RAD9A: variants seen among roughly 807,000 people sequenced by gnomAD.
The protein encoded by RAD9A is cell cycle checkpoint control protein RAD9A.
RAD9A carries 25 observed loss-of-function variants against 41.2 expected under a neutral mutation model. The observed-to-expected ratio is 0.61, with a 90% CI of 0.44 to 0.85. The LOEUF is 0.85. Ranked by LOEUF, RAD9A falls within the 40% of genes least tolerant of loss-of-function variation. The pLI is 0.00. For synonymous variants in RAD9A, 252 were observed against 210.6 expected (o/e 1.20, Z -1.70); for missense variants, 514 against 518.3 (o/e 0.99, Z 0.08).
chr11:67,393,919 C>T, intron 5 of RAD9A, 129 bp downstream of exon 5: 1 of 798,176 alleles, frequency 1.3e-6, no homozygotes, highest in South Asian at 1.9e-5. Context: ...CAAAGACATC[C>T]CATGGCCCGC....
intron 2 of RAD9A, 26 bp from the exon 3 acceptor site, chr11:67,392,628 C>G: frequency 6.2e-7 from 1 of 1,612,528 alleles, no homozygotes; most frequent in Non-Finnish European, 8.5e-7. Context: ...CTGACCACGT[C>G]CCTCTCCCTG....
Position 67,395,841 on chromosome 11 carries a change from GTGGCC to G in RAD9A, c.559+20_559+24del. The G allele has an allele frequency of 1.9e-6, 3 of 1,613,244 alleles. No individual in the cohort carries two copies. Among genetic ancestry groups the G allele is most frequent in the Non-Finnish European group, 2.5e-6 (3 of 1,179,610 alleles). ...GAGGAGGCAGGTGAGGGGGCTGGAC[GTGGCC>G]TGGGACAGCAGAGTGGCAGGTGGGA... On this transcript the variant is annotated intron_variant, in intron 6 of 10. Transcript: ENST00000307980.
At position 67,397,330 on chromosome 11, in the gene RAD9A, G is replaced by A. The variant is rs369535346; in HGVS notation, c.1024G>A (p.Glu342Lys). Reference sequence around the variant, plus strand: ...CCCCAAGAGCCCCGGTCCCCACTCCGAGGAGGAAGATGAGGCTGAGCCCAG... The same window carrying A: ...CCCCAAGAGCCCCGGTCCCCACTCCAAGGAGGAAGATGAGGCTGAGCCCAG... ...QPPKSPGPHS[E>K]EEDEAEPSTV... Residue 342 changes from glutamate (E) to lysine (K), a missense_variant, in exon 10 of 11, where the codon GAG (glutamate) becomes AAG (lysine). By Grantham distance (56) the Glu-to-Lys change is moderately conservative. Transcript: ENST00000307980. 10 of 1,512,304 alleles carry A rather than the reference G, an allele frequency of 6.6e-6. No homozygotes were observed. The highest frequency in any genetic ancestry group is 5.0e-5 in the African/African-American group (3 of 60,546). The allele number at this position is 1,512,304 out of a possible 1,614,324, so 93.7% of individuals were successfully genotyped here.
intron 5 of RAD9A, among the ~76,000 whole-genome samples, chr11:67,394,753 T>C (rs947548413): frequency 1.3e-5 from 2 of 151,988 alleles, no homozygotes; most frequent in Non-Finnish European, 2.9e-5. Context: ...TAGCTGGGAT[T>C]ACAGGCATGC....
At chr11:67,396,938 G>GC (rs1862721044) in intron 9 of RAD9A, among the ~76,000 whole-genome samples, 1 of 152,158 alleles carries the variant, frequency 6.6e-6, no homozygotes, top group Non-Finnish European at 1.5e-5. Flanking sequence ...AGCTAAGGTA[G>GC]CCCCCGGGAT....
chr11:67,395,624 C>T (rs1590930569), intron 5 of RAD9A, 92 bp from the exon 6 acceptor site: 12 of 937,826 alleles, frequency 1.3e-5, no homozygotes, highest in Admixed American at 2.3e-5. Context: ...CACATCCGTG[C>T]GTGTGCATGT....
At chr11:67,392,846 G>A in intron 3 of RAD9A, 64 bp downstream of exon 3, 1 of 1,578,360 alleles carries the variant, frequency 6.3e-7, no homozygotes, top group Admixed American at 1.7e-5. Flanking sequence ...CTGTGCCTCT[G>A]CCCTGGGGTA....
rs1213325253 is a variant in RAD9A at position 67,397,338 on chromosome 11, A to T, written c.1032A>T (p.Glu344Asp). The T allele has an allele frequency of 6.3e-7, 1 of 1,599,612 alleles. No individual in the cohort carries two copies. The highest frequency in any genetic ancestry group is 8.5e-7 in the Non-Finnish European group (1 of 1,172,718). ...PKSPGPHSEE[E>D]DEAEPSTVPG... ...GCCCCGGTCCCCACTCCGAGGAGGAAGATGAGGCTGAGCCCAGTACAGTGC... is the reference window on the plus strand; with the variant it reads ...GCCCCGGTCCCCACTCCGAGGAGGATGATGAGGCTGAGCCCAGTACAGTGC... The change falls in exon 10 of 11, where the codon GAA becomes GAT. Residue 344 changes from glutamate (E) to aspartate (D), a missense_variant. Around this residue, in one of 3 missense-constraint regions of RAD9A, gnomAD observed 216 missense variants for 184.2 expected, o/e 1.17. Transcript: ENST00000307980.
chr11:67,394,126 CTT>C (rs1237583419), intron 5 of RAD9A, among the ~76,000 whole-genome samples: 5 of 152,254 alleles, frequency 3.3e-5, no homozygotes, highest in South Asian at 2.1e-4. Context: ...CACCAAATCT[CTT>C]GTCTGGCTTG....
intron 1 of RAD9A, 33 bp downstream of exon 1, chr11:67,392,111 A>AGCAGCCGCGGAGCC: frequency 6.2e-7 from 1 of 1,605,244 alleles, no homozygotes; most frequent in Non-Finnish European, 8.5e-7. Context: ...GCGGCGGTGC[A>AGCAGCCGCGGAGCC]GCAGCCGCGG....
At chr11:67,393,325 A>G in intron 3 of RAD9A, 171 bp from the exon 4 acceptor site, 5 of 1,362,652 alleles carry the variant, frequency 3.7e-6, no homozygotes, top group Non-Finnish European at 3.8e-6. Context: ...AGGCATTCCA[A>G]GCATAAGGAA....
In RAD9A at chr11:67,396,401, G is replaced by A. The variant is rs760988823; in HGVS notation, c.872+1G>A. On this transcript the variant is annotated splice_donor_variant, in intron 9 of 10. Coordinates refer to ENST00000307980, the MANE Select transcript of RAD9A (RefSeq NM_004584.3). LOFTEE classifies it high-confidence loss of function. The stretch of plus-strand genomic sequence containing the variant: ...CAGTGCCTCAGCTCCAGGCTCACAG[G>A]TGAGGGCACCTCCCCCCAACTCCTC... 2 of 1,613,578 alleles carry A rather than the reference G, an allele frequency of 1.2e-6. No homozygotes were observed. Among genetic ancestry groups the A allele is most frequent in the Non-Finnish European group, 8.5e-7 (1 of 1,179,926 alleles).
Position 67,392,605 on chromosome 11 carries a change from C to T in RAD9A, c.106-49C>T, listed in dbSNP as rs754514297. 6 of 1,608,316 alleles carry T rather than the reference C, an allele frequency of 3.7e-6. No individual in the cohort carries two copies. The African/African-American group carries it at 5.3e-5, about 14-fold the overall frequency. On this transcript the variant is annotated intron_variant, in intron 2 of 10. Coordinates refer to ENST00000307980, the MANE Select transcript of RAD9A (RefSeq NM_004584.3). ...AGCAGAAGCAGCCAGAGGGCTGGGTCTGTGGCTGCCCCCTGACCACGTCCC... is the reference window on the plus strand; with the variant it reads ...AGCAGAAGCAGCCAGAGGGCTGGGTTTGTGGCTGCCCCCTGACCACGTCCC...
intron 7 of RAD9A, 42 bp downstream of exon 7, chr11:67,396,063 C>G: frequency 1.2e-6 from 2 of 1,613,178 alleles, no homozygotes; most frequent in Non-Finnish European, 1.7e-6. Flanking sequence ...TCCTCCCTGC[C>G]CAGCTCAGCC....
rs755514621 is a variant in RAD9A, at chr11:67,396,409, A to G, written c.872+9A>G. ...CAGCTCCAGGCTCACAGGTGAGGGC[A>G]CCTCCCCCCAACTCCTCCTCTCTCC... is the stretch of plus-strand genomic sequence containing the variant. On this transcript the variant is annotated intron_variant, in intron 9 of 10. Coordinates refer to ENST00000307980, the MANE Select transcript of RAD9A (RefSeq NM_004584.3). 13 of 1,612,176 alleles carry G rather than the reference A, an allele frequency of 8.1e-6. No homozygotes were observed. The highest frequency in any genetic ancestry group is 5.5e-5 in the South Asian group (5 of 91,014).
rs770461944 is a variant in RAD9A at position 67,397,444 on chromosome 11, C to G, written c.1081-20C>G. 2 of 1,600,448 alleles carry G rather than the reference C, an allele frequency of 1.2e-6. No individual in the cohort carries two copies. The highest frequency in any genetic ancestry group is 1.3e-5 in the African/African-American group (1 of 74,518). On this transcript the variant is annotated intron_variant, in intron 10 of 10. Transcript: ENST00000307980. ...GTAGGGAAGGGAGCAGCCTCCAGAA[C>G]TCACTTGTTCTCTTTCCAGTTCCGC... is the stretch of plus-strand genomic sequence containing the variant.
chr11:67,397,445 T>A lies in RAD9A; in HGVS notation c.1081-19T>A. ...TAGGGAAGGGAGCAGCCTCCAGAACTCACTTGTTCTCTTTCCAGTTCCGCT... is the reference window on the plus strand; with the variant it reads ...TAGGGAAGGGAGCAGCCTCCAGAACACACTTGTTCTCTTTCCAGTTCCGCT... On this transcript the variant is annotated intron_variant, in intron 10 of 10. Transcript: ENST00000307980. 6.2e-7 allele frequency: 1 copy of A among 1,600,696 alleles called. No homozygotes were observed. Among genetic ancestry groups the A allele is most frequent in the East Asian group, 2.2e-5 (1 of 44,808 alleles).
chr11:67,397,338 A>G lies in RAD9A; in HGVS notation c.1032A>G (p.Glu344=). 4 of 1,599,612 alleles carry G rather than the reference A, an allele frequency of 2.5e-6. No homozygotes were observed. The East Asian group carries it at 9.0e-5, about 36-fold the overall frequency. ...PKSPGPHSEE[E]DEAEPSTVPG... ...GCCCCGGTCCCCACTCCGAGGAGGAAGATGAGGCTGAGCCCAGTACAGTGC... is the reference window on the plus strand; with the variant it reads ...GCCCCGGTCCCCACTCCGAGGAGGAGGATGAGGCTGAGCCCAGTACAGTGC... Residue 344 remains glutamate, a synonymous_variant, in exon 10 of 11, where the codon GAA becomes GAG. Coordinates refer to ENST00000307980, the MANE Select transcript of RAD9A (RefSeq NM_004584.3).
intron 9 of RAD9A, 104 bp downstream of exon 9, chr11:67,396,504 G>GC: frequency 7.1e-7 from 1 of 1,400,796 alleles, no homozygotes; most frequent in Non-Finnish European, 9.8e-7. Flanking sequence ...GTTCTCTCCC[G>GC]CCCCTTCTCT....
Sources: gnomAD v4.1 joint callset for allele counts (sites outside exome capture counted in the v4.1 genomes callset) on GRCh38, gnomAD v4.1.1 for gene constraint, gnomAD v4.1.1 regional missense constraint, MANE v1.5 for transcripts, NCBI Gene and HGNC (gene_info 2026-07-23, HGNC 2026-07-21) for gene names.